The following GLIS1 variants were observed in gnomAD, a reference collection of about 807,000 sequenced individuals.
GLIS1 encodes the protein zinc finger protein GLIS1.
A neutral mutation model predicts 63.8 loss-of-function variants in GLIS1; 24 were observed. That is an observed-to-expected ratio of 0.38 (90% CI 0.27 to 0.53). The LOEUF is 0.53. GLIS1 is among the 20% of genes least tolerant of loss of function. The probability of loss-of-function intolerance (pLI) is 0.85; values close to 1 mark genes in which losing one functional copy is unlikely to be tolerated. For missense variants in GLIS1, 1,036 were observed against 1,074.1 expected, an observed-to-expected ratio of 0.96 and a Z score of 0.50; for synonymous variants, 450 against 482.5, an observed-to-expected ratio of 0.93 and a Z score of 0.88.
intron 2 of GLIS1, among the ~76,000 whole-genome samples, chr1:53,681,832 T>G (rs1049920862): frequency 1.5e-5 from 2 of 132,784 alleles, no homozygotes; most frequent in Admixed American, 1.4e-4. Flanking sequence ...CAACTGGGAC[T>G]GAACCCCCTC....
At position 53,598,640 on chromosome 1, in the gene GLIS1, C is replaced by T. The variant is rs930706061; in HGVS notation, c.437+1461G>A. Among the ~76,000 whole-genome samples, 1 of 152,250 alleles carries T rather than the reference C, an allele frequency of 6.6e-6. No homozygotes were observed. The highest frequency in any genetic ancestry group is 2.1e-4 in the South Asian group (1 of 4,820). ...CTAAGGAGAGAGGCCTCAGAAGAAA[C>T]CAAACCTGCTGGCACATCAGTCCTG... On this transcript the variant is annotated intron_variant, in intron 3 of 10. Coordinates refer to ENST00000628545, the MANE Select transcript of GLIS1 (RefSeq NM_001367484.1). The surrounding 1 kb of genome is among the most constrained non-coding windows in gnomAD (Gnocchi z 4.6).
At chr1:53,619,371 G>A (rs1047928852) in intron 2 of GLIS1, among the ~76,000 whole-genome samples, 17 of 152,222 alleles carry the variant, frequency 1.1e-4, no homozygotes, top group African/African-American at 3.6e-4. Flanking sequence ...TAGTGGGGCC[G>A]CTGCTTCTAG....
At chr1:53,731,637 TC>T (rs1438651291) in intron 2 of GLIS1, among the ~76,000 whole-genome samples, 1 of 152,146 alleles carries the variant, frequency 6.6e-6, no homozygotes, top group African/African-American at 2.4e-5. Context: ...CAAGCCTCAG[TC>T]CCCCCATCTT....
intron 3 of GLIS1, among the ~76,000 whole-genome samples, chr1:53,599,411 G>A (rs1250980167): frequency 6.6e-6 from 1 of 152,120 alleles, no homozygotes; most frequent in Non-Finnish European, 1.5e-5. Context: ...AATGCCCTGC[G>A]CCACCTCGGG....
chr1:53,587,152 C>T (rs897877865), intron 4 of GLIS1, among the ~76,000 whole-genome samples: 2 of 152,120 alleles, frequency 1.3e-5, no homozygotes, highest in Non-Finnish European at 2.9e-5. Context: ...AGAATGCAGA[C>T]TCTCTAGGAA....
At position 53,574,983 on chromosome 1, in the gene GLIS1, A is replaced by C. The variant is rs910180759; in HGVS notation, c.1320+19125T>G. On this transcript the variant is annotated intron_variant, in intron 4 of 10. Coordinates refer to ENST00000628545, the MANE Select transcript of GLIS1 (RefSeq NM_001367484.1). The surrounding 1 kb of genome is among the most constrained non-coding windows in gnomAD (Gnocchi z 4.2). ...AACCTCACATCTCATCTGGGCCCTC[A>C]CTGGACACCTTGGCCCAACACAGAG... Among the ~76,000 whole-genome samples the C allele has an allele frequency of 2.0e-5, 3 of 152,102 alleles. No homozygotes were observed. Among genetic ancestry groups the C allele is most frequent in the African/African-American group, 7.2e-5 (3 of 41,390 alleles).
At chr1:53,623,495 G>A (rs953099598) in intron 2 of GLIS1, among the ~76,000 whole-genome samples, 7 of 152,098 alleles carry the variant, frequency 4.6e-5, no homozygotes, top group South Asian at 2.1e-4. Context: ...AAGGATGTCC[G>A]CACTCACTAC....
chr1:53,696,726 CCCA>C (rs1372873972), intron 2 of GLIS1, among the ~76,000 whole-genome samples: 1 of 152,146 alleles, frequency 6.6e-6, no homozygotes, highest in African/African-American at 2.4e-5. Context: ...TGTCTGCTTT[CCCA>C]CCATTACACT....
At chr1:53,658,663 C>T (rs1449951659) in intron 2 of GLIS1, among the ~76,000 whole-genome samples, 3 of 152,160 alleles carry the variant, frequency 2.0e-5, no homozygotes, top group South Asian at 2.1e-4. Context: ...TCCTCTGGGC[C>T]GAAGCTGCCC....
At chr1:53,632,880 G>C (rs1251513369) in intron 2 of GLIS1, among the ~76,000 whole-genome samples, 1 of 150,910 alleles carries the variant, frequency 6.6e-6, no homozygotes, top group Non-Finnish European at 1.5e-5. Flanking sequence ...GTATGAGTGT[G>C]ACTGAGGGGC....
intron 2 of GLIS1, among the ~76,000 whole-genome samples, chr1:53,668,893 T>A (rs1460286217): frequency 2.0e-5 from 3 of 152,168 alleles, no homozygotes; most frequent in Non-Finnish European, 2.9e-5. Context: ...TGGTGAGGGT[T>A]GGGGGCTGAA....
chr1:53,550,707 G>A (rs1476107342), intron 4 of GLIS1, among the ~76,000 whole-genome samples: 2 of 152,078 alleles, frequency 1.3e-5, no homozygotes, highest in African/African-American at 4.8e-5. Context: ...TAGTCATAAT[G>A]CTAAAACCAC....
chr1:53,563,852 T>C (rs192857733), intron 4 of GLIS1, among the ~76,000 whole-genome samples: 1 of 152,362 alleles, frequency 6.6e-6, no homozygotes, highest in East Asian at 1.9e-4. Context: ...GACAGTTTTC[T>C]CTACAACAAA....
At chr1:53,597,176 T>TAAAA (rs57607550) in intron 3 of GLIS1, among the ~76,000 whole-genome samples, 15 of 19,326 alleles carry the variant, frequency 7.8e-4, no homozygotes, top group East Asian at 2.7e-3. Context: ...CTGTCTCTAC[T>TAAAA]AAAAAAAAAA....
chr1:53,659,808 T>A (rs1646006757), intron 2 of GLIS1, among the ~76,000 whole-genome samples: 1 of 152,186 alleles, frequency 6.6e-6, no homozygotes, highest in African/African-American at 2.4e-5. Context: ...AGATCCCACC[T>A]CAGTGGGTCT....
At chr1:53,584,404 T>C (rs1309095381) in intron 4 of GLIS1, among the ~76,000 whole-genome samples, 1 of 152,198 alleles carries the variant, frequency 6.6e-6, no homozygotes, top group Non-Finnish European at 1.5e-5. Flanking sequence ...TTCCCTGCAA[T>C]GGGTCTTCTC....
rs117597270 is a variant in GLIS1, at chr1:53,658,516, G to A, written c.260-58238C>T. Among the ~76,000 whole-genome samples, 53 of 152,324 alleles carry A rather than the reference G, an allele frequency of 3.5e-4. No individual in the cohort carries two copies. The East Asian group carries it at 9.5e-3, about 27-fold the overall frequency. On this transcript the variant is annotated intron_variant, in intron 2 of 10. Transcript: ENST00000628545. ...GAATTCCAACAAAGAATTCTGTCAG[G>A]CAACACAGCAGTCATTATGGGCTCA...
At chr1:53,595,668 C>T (rs1200642064) in intron 3 of GLIS1, among the ~76,000 whole-genome samples, 1 of 152,226 alleles carries the variant, frequency 6.6e-6, no homozygotes, top group Non-Finnish European at 1.5e-5. Context: ...TTTTGAGGAA[C>T]ACCCAGGTCC....
intron 2 of GLIS1, among the ~76,000 whole-genome samples, chr1:53,695,292 C>T (rs934774230): frequency 6.6e-6 from 1 of 152,178 alleles, no homozygotes; most frequent in Non-Finnish European, 1.5e-5. Context: ...GAGAGGCCTC[C>T]AAGTTCATGG....
Sources: allele counts gnomAD v4.1 joint callset (sites outside exome capture counted in the v4.1 genomes callset), GRCh38; gene constraint gnomAD v4.1.1; non-coding constraint Gnocchi (gnomAD v3.1); transcripts MANE v1.5; gene names NCBI Gene and HGNC (gene_info 2026-07-23, HGNC 2026-07-21).